Variants in PRKG1 observed in about 807,000 individuals in gnomAD.
PRKG1 encodes cGMP-dependent protein kinase 1.
PRKG1 carries 35 observed loss-of-function variants against 88.1 expected under a neutral mutation model. The ratio of observed to expected loss-of-function variants is 0.40; its 90% confidence interval spans 0.30 to 0.53. PRKG1 has a LOEUF of 0.53. Among genes scored for constraint, PRKG1 ranks in the 20% least tolerant of loss-of-function variants. The pLI is 0.59. For synonymous variants in PRKG1, 303 were observed against 292.5 expected, an observed-to-expected ratio of 1.04 and a Z score of -0.37; for missense variants, 540 against 839.8, an observed-to-expected ratio of 0.64 and a Z score of 4.41.
chr10:51,141,243 G>T (rs1004359114), intron 1 of PRKG1, among the ~76,000 whole-genome samples: 1 of 152,140 alleles, frequency 6.6e-6, no homozygotes, highest in African/African-American at 2.4e-5. Context: ...CATACACTGT[G>T]CTCTGAATCC....
chr10:52,031,841 G>T (rs564252957), intron 5 of PRKG1, among the ~76,000 whole-genome samples: 2 of 152,202 alleles, frequency 1.3e-5, no homozygotes, highest in Admixed American at 1.3e-4. Flanking sequence ...GATGATCAAG[G>T]GATAATTTAT....
chr10:51,033,279 T>C (rs1479698182), intron 1 of PRKG1, among the ~76,000 whole-genome samples: 1 of 152,180 alleles, frequency 6.6e-6, no homozygotes, highest in Non-Finnish European at 1.5e-5. Flanking sequence ...CCATTCCTGA[T>C]ATAGGCACCC....
At chr10:51,043,982 C>T (rs904580343) in intron 1 of PRKG1, among the ~76,000 whole-genome samples, 2 of 152,134 alleles carry the variant, frequency 1.3e-5, no homozygotes, top group African/African-American at 4.8e-5. Flanking sequence ...TTCACAGGTA[C>T]TAACTCATTG....
intron 1 of PRKG1, among the ~76,000 whole-genome samples, chr10:50,996,521 A>C (rs1172056015): frequency 6.6e-6 from 1 of 152,224 alleles, no homozygotes; most frequent in Non-Finnish European, 1.5e-5. Context: ...TATCTAGCAC[A>C]TGTCCATTGG....
intron 2 of PRKG1, among the ~76,000 whole-genome samples, chr10:51,429,857 A>T (rs1838707272): frequency 6.6e-6 from 1 of 151,932 alleles, no homozygotes. Flanking sequence ...AAATGAAGAG[A>T]GTCTCAAAGA....
chr10:51,468,876 C>T (rs776484194), intron 3 of PRKG1, among the ~76,000 whole-genome samples: 37 of 151,914 alleles, frequency 2.4e-4, no homozygotes, highest in Admixed American at 9.8e-4. Flanking sequence ...TAAGAATGCA[C>T]GGCCAACTGG....
intron 3 of PRKG1, among the ~76,000 whole-genome samples, chr10:51,587,367 C>T (rs1223081201): frequency 2.6e-5 from 4 of 152,100 alleles, no homozygotes; most frequent in South Asian, 4.1e-4. Flanking sequence ...TTGTAAATTA[C>T]GCATGTCAAA....
At chr10:51,568,385 T>A (rs1837661512) in intron 3 of PRKG1, 1 of 151,764 alleles carries the variant, frequency 6.6e-6, no homozygotes, top group Admixed American at 6.6e-5. Context: ...GAATCCATTT[T>A]TTCATATATT....
At chr10:51,775,575 T>TATA (rs1480946519) in intron 3 of PRKG1, among the ~76,000 whole-genome samples, 4 of 151,526 alleles carry the variant, frequency 2.6e-5, no homozygotes, top group Non-Finnish European at 4.4e-5. Flanking sequence ...TAATTATTAT[T>TATA]ATTATTATTA....
chr10:51,924,227 A>G (rs1022987993), intron 5 of PRKG1, among the ~76,000 whole-genome samples: 2 of 152,156 alleles, frequency 1.3e-5, no homozygotes, highest in Non-Finnish European at 2.9e-5. Context: ...AAGCAGGTCT[A>G]CTGTTAACAA....
chr10:51,177,663 A>G (rs1837231098), intron 2 of PRKG1, among the ~76,000 whole-genome samples: 1 of 152,172 alleles, frequency 6.6e-6, no homozygotes, highest in Non-Finnish European at 1.5e-5. Flanking sequence ...CTCTATGGAA[A>G]TGGAATATCA....
intron 2 of PRKG1, among the ~76,000 whole-genome samples, chr10:51,324,067 C>T (rs1485397001): frequency 6.6e-6 from 1 of 152,096 alleles, no homozygotes; most frequent in Non-Finnish European, 1.5e-5. Context: ...TTGGGATATC[C>T]ATCTCCTCAA....
At chr10:52,197,246 A>G (rs1354415787) in intron 9 of PRKG1, among the ~76,000 whole-genome samples, 3 of 152,152 alleles carry the variant, frequency 2.0e-5, no homozygotes, top group African/African-American at 7.2e-5. Context: ...ATGCAAAAGA[A>G]TTGGATCCCT....
chr10:51,986,868 G>A (rs930064741), intron 5 of PRKG1, among the ~76,000 whole-genome samples: 1 of 152,124 alleles, frequency 6.6e-6, no homozygotes, highest in Non-Finnish European at 1.5e-5. Context: ...GAAAAAATAC[G>A]CTTCTATCTT....
At chr10:51,775,882 C>T (rs1838422549) in intron 3 of PRKG1, among the ~76,000 whole-genome samples, 1 of 152,148 alleles carries the variant, frequency 6.6e-6, no homozygotes, top group Non-Finnish European at 1.5e-5. Flanking sequence ...CTGCGCCAGC[C>T]TGATTTTTCA....
intron 2 of PRKG1, among the ~76,000 whole-genome samples, chr10:51,264,210 G>A (rs1839784720): frequency 2.6e-5 from 4 of 152,178 alleles, no homozygotes; most frequent in Admixed American, 2.6e-4. Flanking sequence ...TGAACCTGAT[G>A]TATGTCAAGA....
intron 3 of PRKG1, among the ~76,000 whole-genome samples, chr10:51,544,189 G>T (rs1170423332): frequency 7.3e-5 from 6 of 82,482 alleles, no homozygotes; most frequent in Non-Finnish European, 8.5e-5. Context: ...TTCTCCTAAT[G>T]CTATCCCTCC....
At chr10:51,500,761 C>G in intron 3 of PRKG1, among the ~76,000 whole-genome samples, 1 of 152,144 alleles carries the variant, frequency 6.6e-6, no homozygotes, top group East Asian at 1.9e-4. Context: ...GAGGAGCTAT[C>G]AATTAAGGTG....
At chr10:51,997,686 A>C (rs1291001176) in intron 5 of PRKG1, among the ~76,000 whole-genome samples, 1 of 152,170 alleles carries the variant, frequency 6.6e-6, no homozygotes, top group South Asian at 2.1e-4. Context: ...TGTTGTACGC[A>C]ATAAATACAT....
Sources: gnomAD v4.1 joint callset for allele counts (sites outside exome capture counted in the v4.1 genomes callset) on GRCh38, gnomAD v4.1.1 for gene constraint, MANE v1.5 for transcripts, NCBI Gene and HGNC (gene_info 2026-07-23, HGNC 2026-07-21) for gene names.